The following RNF216 variants were observed in gnomAD, a reference collection of about 807,000 sequenced individuals.
The protein encoded by RNF216 is ring finger protein 216, also known as E3 ubiquitin-protein ligase RNF216.
A neutral mutation model predicts 110.8 loss-of-function variants in RNF216; 72 were observed. The observed-to-expected ratio is 0.65, with a 90% CI of 0.54 to 0.79. The LOEUF (loss-of-function observed/expected upper bound fraction) is 0.79. RNF216 is among the 30% of genes least tolerant of loss of function. RNF216 has a pLI of 0.00. For synonymous variants in RNF216, 495 were observed against 407.5 expected, an observed-to-expected ratio of 1.21 and a Z score of -2.59; for missense variants, 1,342 against 1,141.2, an observed-to-expected ratio of 1.18 and a Z score of -2.54.
chr7:5,694,672 T>C lies in RNF216; in HGVS notation c.2061+17089A>G, dbSNP rs148802076. On this transcript the variant is annotated intron_variant, in intron 13 of 16. Transcript: ENST00000389902. ...GCGCAATTTGAGGACCTGCCTGCCCTGGAGCAGAGATGTGTATGGTGGCCA... is the reference window on the plus strand; with the variant it reads ...GCGCAATTTGAGGACCTGCCTGCCCCGGAGCAGAGATGTGTATGGTGGCCA... Among the ~76,000 whole-genome samples the C allele has an allele frequency of 3.8e-3, 584 of 152,332 alleles. 3 individuals are homozygous for C. Among genetic ancestry groups the C allele is most frequent in the African/African-American group, 0.014 (565 of 41,576 alleles).
At chr7:5,631,963 A>G (rs1471243362) in intron 15 of RNF216, among the ~76,000 whole-genome samples, 1 of 152,204 alleles carries the variant, frequency 6.6e-6, no homozygotes, top group African/African-American at 2.4e-5. Context: ...CAAGGATTTC[A>G]TAAGAGGACC....
chr7:5,643,149 T>C (rs1333977768), intron 14 of RNF216, among the ~76,000 whole-genome samples: 1 of 152,082 alleles, frequency 6.6e-6, no homozygotes, highest in Non-Finnish European at 1.5e-5. Context: ...ATTGCTGAAA[T>C]GTTAAACAGC....
In RNF216 at chr7:5,730,971, C is replaced by A. The variant is rs142258556; in HGVS notation, c.1122-154G>T. Among the ~76,000 whole-genome samples, 331 of 145,442 alleles carry A rather than the reference C, an allele frequency of 2.3e-3. No homozygotes were observed. The highest frequency in any genetic ancestry group is 4.5e-3 in the African/African-American group (164 of 36,740). On this transcript the variant is annotated intron_variant, in intron 5 of 16. Transcript: ENST00000389902. ...TGTTTGTAGCCCAGAAAAACTAAAC[C>A]AATAAACAAACAACTGCACTGAATT...
intron 3 of RNF216, among the ~76,000 whole-genome samples, chr7:5,742,028 T>C (rs1047609887): frequency 7.9e-5 from 12 of 152,090 alleles, no homozygotes; most frequent in Non-Finnish European, 1.5e-4. Context: ...GATTAAAGCT[T>C]GAGATATAGT....
At chr7:5,658,732 C>A (rs561421701) in intron 13 of RNF216, among the ~76,000 whole-genome samples, 1 of 151,160 alleles carries the variant, frequency 6.6e-6, no homozygotes, top group Admixed American at 6.6e-5. Flanking sequence ...TATTTCATTA[C>A]ACCCTTTTAA....
chr7:5,756,894 C>T (rs1795672021), intron 2 of RNF216, among the ~76,000 whole-genome samples: 2 of 152,164 alleles, frequency 1.3e-5, no homozygotes, highest in Non-Finnish European at 2.9e-5. Flanking sequence ...CTTTGGCCTT[C>T]CAAAGTGCTG....
At chr7:5,735,942 A>T (rs1236446251) in intron 5 of RNF216, among the ~76,000 whole-genome samples, 1 of 152,096 alleles carries the variant, frequency 6.6e-6, no homozygotes, top group Admixed American at 6.5e-5. Flanking sequence ...AAAACACAAA[A>T]ATTAGCCAGA....
At chr7:5,700,615 C>G (rs10255883) in intron 13 of RNF216, among the ~76,000 whole-genome samples, 1,784 of 152,234 alleles carry the variant, frequency 0.012, 29 homozygotes, top group African/African-American at 0.041. Context: ...GTACACAAAA[C>G]CACAAAAAGA....
intron 1 of RNF216, among the ~76,000 whole-genome samples, chr7:5,777,810 G>T (rs1405752914): frequency 4.6e-5 from 7 of 152,148 alleles, no homozygotes; most frequent in Non-Finnish European, 8.8e-5. Flanking sequence ...TTTACAATAG[G>T]AAAGGTTTTA....
intron 2 of RNF216, among the ~76,000 whole-genome samples, chr7:5,755,970 G>C (rs936086553): frequency 4.4e-5 from 2 of 45,466 alleles, no homozygotes; most frequent in Non-Finnish European, 1.8e-4. Flanking sequence ...TTTATATACT[G>C]TCTATAGATT....
At chr7:5,666,345 G>A (rs771983037) in intron 13 of RNF216, among the ~76,000 whole-genome samples, 5 of 152,078 alleles carry the variant, frequency 3.3e-5, no homozygotes, top group Non-Finnish European at 5.9e-5. Context: ...AATAGTTCAC[G>A]ATTATAAACT....
chr7:5,737,391 C>T (rs969753817), intron 5 of RNF216, among the ~76,000 whole-genome samples: 36 of 152,198 alleles, frequency 2.4e-4, no homozygotes, highest in African/African-American at 8.4e-4. Context: ...CTGCGGAAGA[C>T]CCCAGGGTCC....
chr7:5,633,204 C>T (rs1787183980), intron 15 of RNF216, among the ~76,000 whole-genome samples: 1 of 151,928 alleles, frequency 6.6e-6, no homozygotes, highest in Non-Finnish European at 1.5e-5. Flanking sequence ...GTCTCGAACT[C>T]CTGACCTTGT....
chr7:5,668,699 G>A (rs1454094237), intron 13 of RNF216, among the ~76,000 whole-genome samples: 1 of 152,182 alleles, frequency 6.6e-6, no homozygotes. Flanking sequence ...AGAGTGGAGG[G>A]CTCAGAAGCA....
chr7:5,769,525 C>G (rs1364309451), intron 1 of RNF216, among the ~76,000 whole-genome samples: 1 of 151,634 alleles, frequency 6.6e-6, no homozygotes, highest in Non-Finnish European at 1.5e-5. Context: ...GAGTTCAAGA[C>G]CAGCCTGGGC....
At chr7:5,763,061 G>A (rs563252739) in intron 1 of RNF216, among the ~76,000 whole-genome samples, 3 of 152,218 alleles carry the variant, frequency 2.0e-5, no homozygotes, top group South Asian at 2.1e-4. Flanking sequence ...TGAACTCTGG[G>A]GATAGGAAAC....
At chr7:5,653,679 C>T (rs1788547502) in intron 13 of RNF216, among the ~76,000 whole-genome samples, 1 of 146,300 alleles carries the variant, frequency 6.8e-6, no homozygotes, top group South Asian at 2.2e-4. Flanking sequence ...GAAATTATAA[C>T]CCTAATAGGT....
chr7:5,631,345 G>A (rs1259695228), intron 15 of RNF216, among the ~76,000 whole-genome samples: 1 of 152,174 alleles, frequency 6.6e-6, no homozygotes, highest in African/African-American at 2.4e-5. Context: ...TGCCCAGAGT[G>A]GGAGTGGGGA....
At chr7:5,626,316 C>G (rs1203155046) in intron 15 of RNF216, among the ~76,000 whole-genome samples, 1 of 151,822 alleles carries the variant, frequency 6.6e-6, no homozygotes, top group Non-Finnish European at 1.5e-5. Flanking sequence ...TTGAAGGCCT[C>G]CATGTGAATA....
Sources: gnomAD v4.1 joint callset for allele counts (sites outside exome capture counted in the v4.1 genomes callset) on GRCh38, gnomAD v4.1.1 for gene constraint, MANE v1.5 for transcripts, NCBI Gene and HGNC (gene_info 2026-07-23, HGNC 2026-07-21) for gene names.